SVOPL: variants seen among roughly 807,000 people sequenced by gnomAD.
SVOPL encodes putative transporter SVOPL.
SVOPL carries 60 observed loss-of-function variants against 61.0 expected under a neutral mutation model. The observed-to-expected ratio is 0.98, with a 90% CI of 0.80 to 1.22. SVOPL has a LOEUF of 1.22. Ranked by LOEUF, SVOPL falls within the 50% of genes most tolerant of loss-of-function variation. The pLI is 0.00. For missense variants in SVOPL, 662 were observed against 643.9 expected (o/e 1.03, Z -0.30); for synonymous variants, 279 against 250.0 (o/e 1.12, Z -1.09).
At chr7:138,637,119 G>A (rs924376200) in intron 9 of SVOPL, among the ~76,000 whole-genome samples, 26 of 151,962 alleles carry the variant, frequency 1.7e-4, no homozygotes, top group Non-Finnish European at 2.9e-4. Context: ...AATATATAAT[G>A]AATGGATTAT....
chr7:138,696,137 A>G (rs1803060407), intron 1 of SVOPL, among the ~76,000 whole-genome samples: 1 of 152,106 alleles, frequency 6.6e-6, no homozygotes, highest in South Asian at 2.1e-4. Flanking sequence ...TTTTTGAAAA[A>G]ATGAACCACT....
At chr7:138,614,725 T>C (rs1332070324) in intron 14 of SVOPL, among the ~76,000 whole-genome samples, 1 of 152,022 alleles carries the variant, frequency 6.6e-6, no homozygotes, top group Admixed American at 6.6e-5. Context: ...GGTGATAAGG[T>C]TGAAGGGACG....
intron 8 of SVOPL, chr7:138,646,110 G>A (rs1237254690): frequency 2.6e-5 from 5 of 191,022 alleles, no homozygotes; most frequent in East Asian, 1.7e-4. Flanking sequence ...TACCGCGCCC[G>A]GCTGGCTTGT....
At chr7:138,652,379 G>A (rs1801483711) in intron 7 of SVOPL, among the ~76,000 whole-genome samples, 3 of 151,726 alleles carry the variant, frequency 2.0e-5, no homozygotes, top group African/African-American at 7.3e-5. Context: ...TAGACTTGGG[G>A]CCTCACTGTG....
intron 12 of SVOPL, among the ~76,000 whole-genome samples, chr7:138,626,839 A>C (rs1799914425): frequency 1.0e-5 from 1 of 98,110 alleles, no homozygotes; most frequent in South Asian, 3.3e-4. Context: ...AGGTGAGAGA[A>C]CCTGTCTCAA....
chr7:138,660,185 T>C, intron 5 of SVOPL, 197 bp from the exon 6 acceptor site: 1 of 1,346,644 alleles, frequency 7.4e-7, no homozygotes, highest in Non-Finnish European at 9.6e-7. Flanking sequence ...AGCCCAGACC[T>C]ACCAAGTTCA....
At chr7:138,668,952 G>C (rs555606070) in intron 4 of SVOPL, among the ~76,000 whole-genome samples, 1 of 152,246 alleles carries the variant, frequency 6.6e-6, no homozygotes, top group South Asian at 2.1e-4. Context: ...TGAGGATTTT[G>C]AGCACCTGGG....
chr7:138,594,889 CAT>C, intron 15 of SVOPL, among the ~76,000 whole-genome samples: 1 of 151,358 alleles, frequency 6.6e-6, no homozygotes. Flanking sequence ...TACATACATA[CAT>C]ATATATACAC....
Position 138,630,132 on chromosome 7 carries a change from T to C in SVOPL, c.790-10A>G. On this transcript the variant is annotated splice_polypyrimidine_tract_variant and intron_variant, in intron 9 of 15. Coordinates refer to ENST00000674285, the MANE Select transcript of SVOPL (RefSeq NM_001139456.2). ...ATCTTCCTCTTTTTTCCTGGGGTAA[T>C]GAAAAGGAGACAGAACATACTCAGC... is the stretch of plus-strand genomic sequence containing the variant. The C allele has an allele frequency of 1.2e-6, 2 of 1,608,412 alleles. No homozygotes were observed. Among genetic ancestry groups the C allele is most frequent in the Non-Finnish European group, 8.5e-7 (1 of 1,174,820 alleles).
intron 14 of SVOPL, among the ~76,000 whole-genome samples, chr7:138,619,820 G>A (rs959999692): frequency 6.6e-6 from 1 of 152,138 alleles, no homozygotes; most frequent in South Asian, 2.1e-4. Flanking sequence ...TCTCTATCTC[G>A]GGATTCAGAG....
At chr7:138,596,188 T>TTAA (rs1219848976) in intron 15 of SVOPL, among the ~76,000 whole-genome samples, 10 of 120,348 alleles carry the variant, frequency 8.3e-5, no homozygotes, top group Admixed American at 2.7e-4. Flanking sequence ...GACTCTGTCT[T>TTAA]AAAAAAAAAA....
intron 8 of SVOPL, among the ~76,000 whole-genome samples, chr7:138,645,329 G>A (rs1052165772): frequency 3.9e-5 from 6 of 152,212 alleles, no homozygotes; most frequent in African/African-American, 1.2e-4. Flanking sequence ...AACATCGCAC[G>A]CAGAAAACAT....
At chr7:138,672,251 C>A in intron 3 of SVOPL, 134 bp from the exon 4 acceptor site, 1 of 712,118 alleles carries the variant, frequency 1.4e-6, no homozygotes, top group Non-Finnish European at 2.4e-6. Flanking sequence ...TATTGTATAC[C>A]CACACTGCAC....
chr7:138,668,777 GCA>G (rs1563131512), intron 4 of SVOPL, among the ~76,000 whole-genome samples: 1 of 152,202 alleles, frequency 6.6e-6, no homozygotes, highest in Non-Finnish European at 1.5e-5. Flanking sequence ...ACTCCTTTGA[GCA>G]CAGCCTTGTC....
intron 1 of SVOPL, among the ~76,000 whole-genome samples, chr7:138,680,790 G>A (rs1802684744): frequency 6.6e-6 from 1 of 152,106 alleles, no homozygotes; most frequent in Admixed American, 6.6e-5. Flanking sequence ...GTGTTAGCCA[G>A]GATGGTCTCG....
At chr7:138,628,506 G>T in intron 10 of SVOPL, 143 bp from the exon 11 acceptor site, 1 of 793,990 alleles carries the variant, frequency 1.3e-6, no homozygotes, top group Non-Finnish European at 2.0e-6. Flanking sequence ...CAGAGCATTC[G>T]TGGAAGTGTC....
At chr7:138,647,365 G>A (rs915258448) in intron 8 of SVOPL, among the ~76,000 whole-genome samples, 10 of 150,032 alleles carry the variant, frequency 6.7e-5, no homozygotes, top group African/African-American at 2.2e-4. Flanking sequence ...TGGGCAACAA[G>A]AGTGAAACGC....
intron 1 of SVOPL, among the ~76,000 whole-genome samples, chr7:138,696,711 A>G (rs1803072353): frequency 6.6e-6 from 1 of 152,110 alleles, no homozygotes; most frequent in African/African-American, 2.4e-5. Flanking sequence ...GGCGTGAGCC[A>G]CCGCACCCTG....
chr7:138,684,591 G>A (rs760206264), intron 1 of SVOPL, among the ~76,000 whole-genome samples: 2 of 152,148 alleles, frequency 1.3e-5, no homozygotes, highest in Non-Finnish European at 2.9e-5. Flanking sequence ...TTAGGACGGC[G>A]ATTATCAAAA....
Sources: allele counts gnomAD v4.1 joint callset (sites outside exome capture counted in the v4.1 genomes callset), GRCh38; gene constraint gnomAD v4.1.1; transcripts MANE v1.5; gene names NCBI Gene and HGNC (gene_info 2026-07-23, HGNC 2026-07-21).